The following PFAS variants were observed in gnomAD, a reference collection of about 807,000 sequenced individuals.
The protein encoded by PFAS is FGAM synthase.
Under a neutral mutation model 140.6 loss-of-function variants are expected in PFAS, and 97 were observed. The observed-to-expected ratio is 0.69, with a 90% CI of 0.59 to 0.82. The LOEUF is 0.82. Ranked by LOEUF, PFAS falls within the 40% of genes least tolerant of loss-of-function variation. The pLI is 0.00. For missense variants in PFAS, 1,656 were observed against 1,780.2 expected (o/e 0.93, Z 1.26); for synonymous variants, 679 against 718.8 (o/e 0.94, Z 0.88).
chr17:8,255,482 C>G lies in PFAS; in HGVS notation c.385-20C>G, dbSNP rs904433928. 1.7e-5 allele frequency: 26 copies of G among 1,503,998 alleles called. No homozygotes were observed. In the African/African-American group the frequency reaches 3.5e-4, roughly 20 times the overall value. 93.2% of individuals were successfully genotyped at this position (1,503,998 alleles called of 1,614,324 possible). On this transcript the variant is annotated intron_variant, in intron 4 of 27. Coordinates refer to ENST00000314666, the MANE Select transcript of PFAS (RefSeq NM_012393.3). ...TCTTAAACTCTTCACCCCTTGCCCT[C>G]TGTGTGTCTGCACCCCTAGTTTGCC...
At chr17:8,265,715 C>G in intron 20 of PFAS, 76 bp downstream of exon 20, 2 of 1,419,312 alleles carry the variant, frequency 1.4e-6, no homozygotes, top group Non-Finnish European at 2.0e-6. Flanking sequence ...GAGTGCTGGG[C>G]CCCCATCTCA....
At chr17:8,251,025 C>T (rs1322123685) in intron 1 of PFAS, among the ~76,000 whole-genome samples, 1 of 151,524 alleles carries the variant, frequency 6.6e-6, no homozygotes, top group East Asian at 1.9e-4. Flanking sequence ...CAGTCGCTCA[C>T]GCCTATAATC....
Position 8,266,129 on chromosome 17 carries a change from C to T in PFAS, c.2702-105C>T, listed in dbSNP as rs1291604864. 9.0e-6 allele frequency: 14 copies of T among 1,550,442 alleles called. No individual in the cohort carries two copies. Among genetic ancestry groups the T allele is most frequent in the Non-Finnish European group, 1.2e-5 (14 of 1,139,300 alleles). On this transcript the variant is annotated intron_variant, in intron 21 of 27. Coordinates refer to ENST00000314666, the MANE Select transcript of PFAS (RefSeq NM_012393.3). This position sits in a 1 kb window ranked among gnomAD's most constrained non-coding sequence, Gnocchi z 5.0. ...TCCAATGGACGATGTACCCCAGATC[C>T]CCTGACATTCTGACACACACTCTTG...
intron 11 of PFAS, among the ~76,000 whole-genome samples, chr17:8,258,941 C>A (rs1989480420): frequency 6.6e-6 from 1 of 150,912 alleles, no homozygotes; most frequent in South Asian, 2.1e-4. Context: ...AGCTGAGATC[C>A]CACCACTGCA....
In PFAS at chr17:8,265,444, G is replaced by A; in HGVS notation, c.2437G>A (p.Gly813Ser). Reference sequence around the variant, plus strand: ...CTCCCTCAGCATGGCTGCTCGGGTTGGCACTGAGACCGTGCGGGCTCCTGG... The same window carrying A: ...CTCCCTCAGCATGGCTGCTCGGGTTAGCACTGAGACCGTGCGGGCTCCTGG... ...KDSLSMAARV[G>S]TETVRAPGSL... Residue 813 changes from glycine to serine, a missense_variant, in exon 19 of 28, where the codon GGC (glycine) becomes AGC (serine). Gly to Ser is a moderately conservative substitution (Grantham distance 56). Coordinates refer to ENST00000314666, the MANE Select transcript of PFAS (RefSeq NM_012393.3). The A allele has an allele frequency of 8.7e-6, 14 of 1,614,126 alleles. No individual in the cohort carries two copies. Among genetic ancestry groups the A allele is most frequent in the Non-Finnish European group, 1.2e-5 (14 of 1,180,010 alleles).
At chr17:8,249,815 T>C (rs1989076325) in intron 1 of PFAS, among the ~76,000 whole-genome samples, 2 of 152,152 alleles carry the variant, frequency 1.3e-5, no homozygotes, top group Admixed American at 6.5e-5. Flanking sequence ...TTCCACAAGT[T>C]TTAGAATTTT....
In PFAS at chr17:8,263,968, C is replaced by A. The variant is rs535371688; in HGVS notation, c.1791+32C>A. 4.9e-5 allele frequency: 79 copies of A among 1,607,290 alleles called. 1 individual carries two copies. The South Asian group carries it at 8.1e-4, about 17-fold the overall frequency. ...TGGCCCAGGGAGTTGGGAGCAAACACTGGGGCAGACATGAGCCACCTGGGT... is the reference window on the plus strand; with the variant it reads ...TGGCCCAGGGAGTTGGGAGCAAACAATGGGGCAGACATGAGCCACCTGGGT... On this transcript the variant is annotated intron_variant, in intron 15 of 27. Coordinates refer to ENST00000314666, the MANE Select transcript of PFAS (RefSeq NM_012393.3).
upstream of PFAS, among the ~76,000 whole-genome samples, chr17:8,248,410 A>ATTTTTGTT (rs1988965356): frequency 1.5e-5 from 1 of 67,664 alleles, no homozygotes; most frequent in African/African-American, 6.4e-5. Context: ...CGCCCGGCTA[A>ATTTTTGTT]TTTTTTTTTT....
At chr17:8,254,672 C>G (rs1398287587) in intron 3 of PFAS, among the ~76,000 whole-genome samples, 1 of 151,740 alleles carries the variant, frequency 6.6e-6, no homozygotes, top group Admixed American at 6.6e-5. Context: ...GGTGTGGTGG[C>G]GGGCGCCTGT....
intron 3 of PFAS, among the ~76,000 whole-genome samples, 163 bp from the exon 4 acceptor site, chr17:8,254,864 G>A (rs1352131209): frequency 6.6e-6 from 1 of 152,248 alleles, no homozygotes; most frequent in African/African-American, 2.4e-5. Context: ...TTTGGTTTGA[G>A]TGTACTTTAA....
At position 8,264,594 on chromosome 17, in the gene PFAS, C is replaced by T; in HGVS notation, c.2042C>T (p.Thr681Ile). ...LPAVASKRYLTNKVDRSVGGL... is the reference protein window; with the variant it reads ...LPAVASKRYLINKVDRSVGGL... ...GCCGTGGCCAGCAAGCGCTACCTCA[C>T]CAATAAGGTCCTCCCTGCACCCTTC... The change falls in exon 17 of 28, where the codon ACC (threonine) becomes ATC (isoleucine). Residue 681 changes from threonine (T) to isoleucine (I), a missense_variant. This residue lies in a region of PFAS where 883 missense variants were observed against 1,023.0 expected (regional missense o/e 0.86). Transcript: ENST00000314666. 1 of 1,611,818 alleles carries T rather than the reference C, an allele frequency of 6.2e-7. No homozygotes were observed. Among genetic ancestry groups the T allele is most frequent in the South Asian group, 1.1e-5 (1 of 90,908 alleles).
Position 8,266,366 on chromosome 17 carries a change from G to T in PFAS, c.2821+13G>T, listed in dbSNP as rs1318848310. On this transcript the variant is annotated intron_variant, in intron 22 of 27. Coordinates refer to ENST00000314666, the MANE Select transcript of PFAS (RefSeq NM_012393.3). This position sits in a 1 kb window ranked among gnomAD's most constrained non-coding sequence, Gnocchi z 5.0. ...CCCAGGGTTGATGGTAAGGAACCTG[G>T]GGTCTAGTCTCAGGCCCGGGCTGCC... 10 of 1,613,774 alleles carry T rather than the reference G, an allele frequency of 6.2e-6. No individual in the cohort carries two copies. Among genetic ancestry groups the T allele is most frequent in the Non-Finnish European group, 8.5e-6 (10 of 1,179,916 alleles).
At chr17:8,250,726 C>T (rs1191167928) in intron 1 of PFAS, among the ~76,000 whole-genome samples, 2 of 152,166 alleles carry the variant, frequency 1.3e-5, no homozygotes, top group Admixed American at 6.5e-5. Flanking sequence ...GGTCAATACA[C>T]CAAGACACCA....
At chr17:8,259,702 C>T (rs1056323868) in intron 11 of PFAS, among the ~76,000 whole-genome samples, 3 of 152,116 alleles carry the variant, frequency 2.0e-5, no homozygotes, top group Non-Finnish European at 4.4e-5. Context: ...GTGGGAAGAT[C>T]GCTTGAGCCA....
At chr17:8,249,785 A>T (rs1241550829) in intron 1 of PFAS, among the ~76,000 whole-genome samples, 1 of 152,194 alleles carries the variant, frequency 6.6e-6, no homozygotes, top group South Asian at 2.1e-4. Flanking sequence ...AGTGGTGAGA[A>T]TCAAGAGTTC....
rs1453957415 is a variant in PFAS, at chr17:8,266,988, C to G, written c.2968-40C>G. The G allele has an allele frequency of 1.2e-6, 2 of 1,609,612 alleles. No homozygotes were observed. The highest frequency in any genetic ancestry group is 1.7e-6 in the Non-Finnish European group (2 of 1,178,380). ...CCTCTCCCACTGTGGAGGGGGCCAT[C>G]CTTTCTCCTAGCCCGTGGGAGATTT... On this transcript the variant is annotated intron_variant, in intron 23 of 27. Transcript: ENST00000314666. This position sits in a 1 kb window ranked among gnomAD's most constrained non-coding sequence, Gnocchi z 5.0.
Position 8,266,445 on chromosome 17 carries a change from A to T in PFAS, c.2821+92A>T. ...TATATTAAAGAGTGGAGTGCCCTCC[A>T]GTCCCCTTTCCCTGAGTCTTCCCTG... is the stretch of plus-strand genomic sequence containing the variant. On this transcript the variant is annotated intron_variant, in intron 22 of 27. Coordinates refer to ENST00000314666, the MANE Select transcript of PFAS (RefSeq NM_012393.3). The surrounding 1 kb of genome is among the most constrained non-coding windows in gnomAD (Gnocchi z 5.0). 1 of 1,561,070 alleles carries T rather than the reference A, an allele frequency of 6.4e-7. No homozygotes were observed. Among genetic ancestry groups the T allele is most frequent in the Non-Finnish European group, 8.7e-7 (1 of 1,152,722 alleles).
chr17:8,259,610 C>T (rs1329417264), intron 11 of PFAS, among the ~76,000 whole-genome samples: 2 of 151,774 alleles, frequency 1.3e-5, no homozygotes. Flanking sequence ...AGTCAGACCC[C>T]TGTCTCTAAA....
Position 8,258,086 on chromosome 17 carries a change from TGGGC to T in PFAS, c.1224_1227del (p.Leu408PhefsTer30). On this transcript the variant is annotated frameshift_variant, in exon 11 of 28. Transcript: ENST00000314666. LOFTEE classifies it high-confidence loss of function. ...CACACTCCAGGCTTCGCCCGCTCCTTGGGCCTCCAGCTCCCAGACGGCCAGCGGC... is the reference window on the plus strand; with the variant it reads ...CACACTCCAGGCTTCGCCCGCTCCTTCTCCAGCTCCCAGACGGCCAGCGGC... 2 of 1,614,126 alleles carry T rather than the reference TGGGC, an allele frequency of 1.2e-6. No individual in the cohort carries two copies. Among genetic ancestry groups the T allele is most frequent in the Non-Finnish European group, 1.7e-6 (2 of 1,180,030 alleles).
Sources: allele counts gnomAD v4.1 joint callset (sites outside exome capture counted in the v4.1 genomes callset), GRCh38; gene constraint gnomAD v4.1.1; regional missense constraint gnomAD v4.1.1; non-coding constraint Gnocchi (gnomAD v3.1); transcripts MANE v1.5; gene names NCBI Gene and HGNC (gene_info 2026-07-23, HGNC 2026-07-21).